The following SCAPER variants were observed in gnomAD, a reference collection of about 807,000 sequenced individuals.
SCAPER encodes S-phase cyclin A associated protein in the ER.
A neutral mutation model predicts 182.2 loss-of-function variants in SCAPER; 98 were observed. The observed-to-expected ratio is 0.54, with a 90% CI of 0.46 to 0.64. SCAPER has a LOEUF of 0.64. Ranked by LOEUF, SCAPER falls within the 30% of genes least tolerant of loss-of-function variation. SCAPER has a pLI of 0.00. For missense variants in SCAPER, 1,432 were observed against 1,690.0 expected (o/e 0.85, Z 2.68); for synonymous variants, 605 against 564.6 (o/e 1.07, Z -1.01).
intron 14 of SCAPER, among the ~76,000 whole-genome samples, chr15:76,762,024 A>T (rs2062817092): frequency 6.6e-6 from 1 of 152,188 alleles, no homozygotes; most frequent in African/African-American, 2.4e-5. Context: ...TTTTATCATT[A>T]TTTAATGGCC....
intron 5 of SCAPER, among the ~76,000 whole-genome samples, chr15:76,838,319 G>C (rs2069131825): frequency 6.6e-6 from 1 of 152,080 alleles, no homozygotes; most frequent in African/African-American, 2.4e-5. Context: ...CAAGTACCAA[G>C]CTCTCTCTTA....
At chr15:76,631,631 G>A (rs918185588) in intron 21 of SCAPER, among the ~76,000 whole-genome samples, 4 of 152,200 alleles carry the variant, frequency 2.6e-5, no homozygotes, top group Non-Finnish European at 4.4e-5. Flanking sequence ...TTTCTGGCTT[G>A]TAGGGTTTCT....
intron 20 of SCAPER, among the ~76,000 whole-genome samples, chr15:76,692,444 T>G (rs188388578): frequency 6.6e-6 from 1 of 152,036 alleles, no homozygotes; most frequent in Non-Finnish European, 1.5e-5. Flanking sequence ...ATCCCAGTAC[T>G]TTGGGAGGCT....
intron 1 of SCAPER, 112 bp from the exon 2 acceptor site, chr15:76,883,988 A>C: frequency 1.7e-6 from 1 of 575,700 alleles, no homozygotes; most frequent in South Asian, 2.6e-5. Flanking sequence ...CAACAAAAAA[A>C]ACTGCTCCTT....
At chr15:76,613,796 A>G (rs900282879) in intron 22 of SCAPER, among the ~76,000 whole-genome samples, 16 of 152,228 alleles carry the variant, frequency 1.1e-4, no homozygotes, top group African/African-American at 3.6e-4. Context: ...AGAAATGCTT[A>G]CACACTGTTG....
intron 25 of SCAPER, among the ~76,000 whole-genome samples, chr15:76,453,023 G>T (rs142408789): frequency 3.3e-5 from 5 of 152,070 alleles, no homozygotes; most frequent in Middle Eastern, 3.2e-3. Context: ...TTGTAGTGAT[G>T]GGGTCTTGCT....
chr15:76,613,241 C>T (rs942190594), intron 22 of SCAPER, among the ~76,000 whole-genome samples: 1 of 152,188 alleles, frequency 6.6e-6, no homozygotes, highest in African/African-American at 2.4e-5. Context: ...GAAACTGGAC[C>T]TTTTCCTTAT....
intron 23 of SCAPER, among the ~76,000 whole-genome samples, chr15:76,524,689 G>GTTTGTTTTTT: frequency 2.0e-5 from 1 of 50,116 alleles, no homozygotes; most frequent in Non-Finnish European, 3.5e-5. Flanking sequence ...TTTTTGTTCT[G>GTTTGTTTTTT]TTTTTTTTTT....
intron 1 of SCAPER, among the ~76,000 whole-genome samples, chr15:76,898,009 T>C (rs1019484777): frequency 3.7e-4 from 56 of 152,286 alleles, no homozygotes; most frequent in African/African-American, 1.3e-3. Context: ...CACTTGATTA[T>C]ATGAATAAAA....
intron 25 of SCAPER, among the ~76,000 whole-genome samples, chr15:76,441,625 C>A (rs926899271): frequency 2.0e-5 from 3 of 152,122 alleles, no homozygotes; most frequent in African/African-American, 7.2e-5. Context: ...AATATCTTTC[C>A]CCCAGGTAAC....
rs148820587 is a variant in SCAPER at position 76,628,591 on chromosome 15, G to T, written c.2646-6762C>A. ...AAGATCAGATAGTTGTAGGTGTGTG[G>T]CCTTATTTCTGGGCTCTGTATTCTG... On this transcript the variant is annotated intron_variant, in intron 21 of 31. Transcript: ENST00000563290. 9.0e-3 allele frequency among the ~76,000 whole-genome samples: 1,371 copies of T among 152,202 alleles called. 22 individuals carry two copies. The highest frequency in any genetic ancestry group is 0.032 in the African/African-American group (1,332 of 41,526).
At chr15:76,475,830 T>A (rs2050584884) in intron 24 of SCAPER, among the ~76,000 whole-genome samples, 1 of 152,120 alleles carries the variant, frequency 6.6e-6, no homozygotes, top group Non-Finnish European at 1.5e-5. Context: ...ACTAATGAGC[T>A]AAGAAACAAG....
At chr15:76,814,288 C>T (rs2066897897) in intron 5 of SCAPER, among the ~76,000 whole-genome samples, 1 of 151,998 alleles carries the variant, frequency 6.6e-6, no homozygotes, top group Non-Finnish European at 1.5e-5. Context: ...CTACAAAAAA[C>T]TTTAAATAGC....
At chr15:76,493,203 T>C (rs1340592059) in intron 24 of SCAPER, among the ~76,000 whole-genome samples, 18 of 152,186 alleles carry the variant, frequency 1.2e-4, no homozygotes, top group Non-Finnish European at 2.9e-5. Context: ...CAAGTCAATA[T>C]AACAATCACA....
intron 29 of SCAPER, among the ~76,000 whole-genome samples, chr15:76,361,347 A>T (rs1234019066): frequency 3.9e-5 from 6 of 152,216 alleles, no homozygotes; most frequent in Admixed American, 2.6e-4. Flanking sequence ...TTTGCTGAGC[A>T]TCTACTCTAG....
chr15:76,662,874 T>TA (rs1487162651), intron 21 of SCAPER, among the ~76,000 whole-genome samples: 1 of 152,096 alleles, frequency 6.6e-6, no homozygotes. Context: ...AAAAATATGA[T>TA]AGAGTATCTT....
intron 17 of SCAPER, among the ~76,000 whole-genome samples, chr15:76,720,432 G>C (rs865874763): frequency 6.6e-6 from 1 of 152,134 alleles, no homozygotes; most frequent in East Asian, 1.9e-4. Context: ...ATAATCCTTT[G>C]GGTATATACC....
intron 25 of SCAPER, among the ~76,000 whole-genome samples, chr15:76,441,922 C>T (rs2047638522): frequency 6.6e-6 from 1 of 151,982 alleles, no homozygotes; most frequent in African/African-American, 2.4e-5. Flanking sequence ...TAGATGTTCA[C>T]TAAATATTTT....
intron 21 of SCAPER, among the ~76,000 whole-genome samples, chr15:76,639,517 G>A (rs2053927080): frequency 6.6e-6 from 1 of 152,202 alleles, no homozygotes; most frequent in South Asian, 2.1e-4. Context: ...GTTGGGGCTG[G>A]AGAGAGTGTT....
Sources: gnomAD v4.1 joint callset for allele counts (sites outside exome capture counted in the v4.1 genomes callset) on GRCh38, gnomAD v4.1.1 for gene constraint, MANE v1.5 for transcripts, NCBI Gene and HGNC (gene_info 2026-07-23, HGNC 2026-07-21) for gene names.